DPY19L1: variants seen among roughly 807,000 people sequenced by gnomAD.
DPY19L1 encodes the protein dpy-19 like C-mannosyltransferase 1, also known as protein C-mannosyl-transferase DPY19L1.
Under a neutral mutation model 96.9 loss-of-function variants are expected in DPY19L1, and 35 were observed. The observed-to-expected ratio is 0.36, with a 90% CI of 0.28 to 0.48. The LOEUF (loss-of-function observed/expected upper bound fraction) is 0.48. Among genes scored for constraint, DPY19L1 ranks in the 20% least tolerant of loss-of-function variants. The pLI, the probability that DPY19L1 is intolerant of heterozygous loss-of-function variation, is 0.99. For missense variants in DPY19L1, 521 were observed against 777.9 expected (o/e 0.67, Z 3.93); for synonymous variants, 205 against 252.6 (o/e 0.81, Z 1.79).
chr7:35,008,438 A>T lies in DPY19L1; in HGVS notation c.764+2030T>A, dbSNP rs544340679. On this transcript the variant is annotated intron_variant, in intron 6 of 21. Coordinates refer to ENST00000638088, the MANE Select transcript of DPY19L1 (RefSeq NM_001366673.1). Reference sequence around the variant, plus strand: ...AAAACCAGGAACTTTTATTCTCTTCAGTAGATGTTGTGCCTTCTGCCTTTG... The same window carrying T: ...AAAACCAGGAACTTTTATTCTCTTCTGTAGATGTTGTGCCTTCTGCCTTTG... 4.9e-4 allele frequency among the ~76,000 whole-genome samples: 74 copies of T among 152,362 alleles called. 1 individual carries two copies. In the South Asian group the frequency reaches 0.012, roughly 25 times the overall value.
intron 6 of DPY19L1, among the ~76,000 whole-genome samples, chr7:35,007,244 A>C (rs1341406721): frequency 6.6e-6 from 1 of 152,248 alleles, no homozygotes; most frequent in African/African-American, 2.4e-5. Flanking sequence ...TCAGTTAACG[A>C]TGCCTTTGAA....
At chr7:35,009,952 A>C (rs1009578212) in intron 6 of DPY19L1, among the ~76,000 whole-genome samples, 2 of 152,160 alleles carry the variant, frequency 1.3e-5, no homozygotes, top group African/African-American at 4.8e-5. Context: ...AATTTATGCC[A>C]GGCACTGTGG....
intron 9 of DPY19L1, among the ~76,000 whole-genome samples, chr7:34,968,325 A>G (rs535020528): frequency 6.6e-6 from 1 of 152,186 alleles, no homozygotes; most frequent in Non-Finnish European, 1.5e-5. Context: ...CCACAACCCA[A>G]TAAAGTAGGT....
chr7:34,996,861 A>G (rs1457541803), intron 6 of DPY19L1, among the ~76,000 whole-genome samples: 2 of 152,184 alleles, frequency 1.3e-5, no homozygotes, highest in Admixed American at 6.5e-5. Flanking sequence ...TCCTCAAATG[A>G]TAAGACCACA....
At chr7:34,993,736 T>C (rs1203535936) in intron 6 of DPY19L1, among the ~76,000 whole-genome samples, 2 of 151,998 alleles carry the variant, frequency 1.3e-5, no homozygotes, top group East Asian at 1.9e-4. Flanking sequence ...CTCTTTCCAT[T>C]TACTCAATTC....
At chr7:34,982,877 G>T (rs553238692) in intron 7 of DPY19L1, among the ~76,000 whole-genome samples, 1 of 152,126 alleles carries the variant, frequency 6.6e-6, no homozygotes, top group Non-Finnish European at 1.5e-5. Flanking sequence ...ATTTGGTTTC[G>T]GGGCCTTGGC....
At position 34,945,710 on chromosome 7, in the gene DPY19L1, T is replaced by C; in HGVS notation, c.1501A>G (p.Ser501Gly). The change falls in exon 16 of 22, where the codon AGT becomes GGT. Residue 501 changes from serine to glycine, a missense_variant. Physicochemically the swap from Ser to Gly is moderately conservative, Grantham distance 56. Transcript: ENST00000638088. ...TTAGCTAAGACACCCCACATATCACTAATAATCTGTAAATAGATTTTGAAA... is the reference window on the plus strand; with the variant it reads ...TTAGCTAAGACACCCCACATATCACCAATAATCTGTAAATAGATTTTGAAA... ...VFVAIVRKIISDMWGVLAKQQ... is the reference protein window; with the variant it reads ...VFVAIVRKIIGDMWGVLAKQQ... 1 of 1,596,916 alleles carries C rather than the reference T, an allele frequency of 6.3e-7. No individual in the cohort carries two copies. Among genetic ancestry groups the C allele is most frequent in the Non-Finnish European group, 8.5e-7 (1 of 1,170,900 alleles).
At chr7:35,014,154 G>T (rs1785782436) in intron 3 of DPY19L1, among the ~76,000 whole-genome samples, 1 of 151,986 alleles carries the variant, frequency 6.6e-6, no homozygotes, top group Admixed American at 6.5e-5. Flanking sequence ...TTTTCCTCCG[G>T]ATTTACATGC....
intron 1 of DPY19L1, among the ~76,000 whole-genome samples, chr7:35,019,964 G>A (rs1156451915): frequency 6.6e-6 from 1 of 151,990 alleles, no homozygotes; most frequent in Non-Finnish European, 1.5e-5. Context: ...TTTAAATCTA[G>A]GCTGGGTAAC....
intron 18 of DPY19L1, among the ~76,000 whole-genome samples, chr7:34,940,996 C>T (rs1783999021): frequency 6.6e-6 from 1 of 152,082 alleles, no homozygotes; most frequent in African/African-American, 2.4e-5. Flanking sequence ...ATTTTTTCCA[C>T]ATCCAAATAG....
Position 35,037,281 on chromosome 7 carries a change from C to A in DPY19L1, c.114G>T (p.Pro38=). 3.0e-6 allele frequency: 1 copy of A among 331,210 alleles called. No individual in the cohort carries two copies. The highest frequency in any genetic ancestry group is 4.9e-5 in the Admixed American group (1 of 20,288). 20.5% of individuals were successfully genotyped at this position (331,210 alleles called of 1,614,324 possible). Residue 38 remains proline, a synonymous_variant, in exon 1 of 22, where the codon CCG becomes CCT. Coordinates refer to ENST00000638088, the MANE Select transcript of DPY19L1 (RefSeq NM_001366673.1). ...GGGACAGGGGCGCGCGCTCGGGCCCCGGCTCCCCGGCGCCGACGTCCGACG... is the reference window on the plus strand; with the variant it reads ...GGGACAGGGGCGCGCGCTCGGGCCCAGGCTCCCCGGCGCCGACGTCCGACG... ...RGASDVGAGE[P]GPERAPLSPG... is the part of the protein sequence containing the mutation.
At chr7:34,980,797 C>T (rs1784923450) in intron 7 of DPY19L1, among the ~76,000 whole-genome samples, 1 of 152,152 alleles carries the variant, frequency 6.6e-6, no homozygotes, top group African/African-American at 2.4e-5. Context: ...CAAGCACTGA[C>T]AAGGATGTAT....
At chr7:34,992,221 T>C (rs1398610708) in intron 6 of DPY19L1, among the ~76,000 whole-genome samples, 1 of 152,214 alleles carries the variant, frequency 6.6e-6, no homozygotes, top group Non-Finnish European at 1.5e-5. Flanking sequence ...TTGTATGCAG[T>C]AGCATTTTAG....
At chr7:34,984,525 C>T (rs1302390949) in intron 7 of DPY19L1, among the ~76,000 whole-genome samples, 2 of 152,160 alleles carry the variant, frequency 1.3e-5, no homozygotes, top group East Asian at 3.8e-4. Context: ...ATGTTGTAGG[C>T]TACTTTTCTA....
intron 21 of DPY19L1, among the ~76,000 whole-genome samples, chr7:34,935,232 G>A (rs1783843479): frequency 6.6e-6 from 1 of 152,084 alleles, no homozygotes; most frequent in African/African-American, 2.4e-5. Context: ...ACAGCTTTTA[G>A]GAAAAAGAGA....
chr7:34,953,159 G>A (rs35694864), intron 13 of DPY19L1, among the ~76,000 whole-genome samples: 10,116 of 152,162 alleles, frequency 0.066, 398 homozygotes, highest in Middle Eastern at 0.19. Context: ...ATAAAAGGCT[G>A]GGTAGCCTTG....
Position 34,966,902 on chromosome 7 carries a change from T to C in DPY19L1, c.1084A>G (p.Ile362Val). The change falls in exon 10 of 22, where the codon ATA (isoleucine) becomes GTA (valine). Residue 362 changes from isoleucine (I) to valine (V), a missense_variant. Coordinates refer to ENST00000638088, the MANE Select transcript of DPY19L1 (RefSeq NM_001366673.1). ...CAATAAAAAATTATTACCATGTGTA[T>C]ATAAATGATCTTCCGTAATTTACAT... ...DICKLRKIIYIHMISLALCFV... is the reference protein window; with the variant it reads ...DICKLRKIIYVHMISLALCFV... The C allele has an allele frequency of 6.5e-7, 1 of 1,534,820 alleles. No individual in the cohort carries two copies. The highest frequency in any genetic ancestry group is 2.5e-5 in the East Asian group (1 of 40,806).
chr7:35,020,164 A>G (rs778874030), intron 1 of DPY19L1, among the ~76,000 whole-genome samples: 6 of 152,214 alleles, frequency 3.9e-5, no homozygotes, highest in Non-Finnish European at 5.9e-5. Flanking sequence ...ATCCTAACAT[A>G]ATAAAATTTG....
chr7:34,961,446 A>G (rs1363913171), intron 10 of DPY19L1, among the ~76,000 whole-genome samples: 1 of 152,190 alleles, frequency 6.6e-6, no homozygotes, highest in African/African-American at 2.4e-5. Context: ...ATCCACATAC[A>G]AAAAAATAAA....
Sources: allele counts gnomAD v4.1 joint callset (sites outside exome capture counted in the v4.1 genomes callset), GRCh38; gene constraint gnomAD v4.1.1; transcripts MANE v1.5; gene names NCBI Gene and HGNC (gene_info 2026-07-23, HGNC 2026-07-21).